MTMR11: variants seen among roughly 807,000 people sequenced by gnomAD.
MTMR11 encodes myotubularin-related protein 11.
A neutral mutation model predicts 100.0 loss-of-function variants in MTMR11; 89 were observed. The ratio of observed to expected loss-of-function variants is 0.89; its 90% CI spans 0.75 to 1.06. MTMR11 has a LOEUF of 1.06. Ranked by LOEUF, MTMR11 falls within the 50% of genes least tolerant of loss-of-function variation. The pLI, the probability that MTMR11 is intolerant of heterozygous loss-of-function variation, is 0.00. For missense variants in MTMR11, 809 were observed against 873.7 expected, an observed-to-expected ratio of 0.93 and a Z score of 0.93; for synonymous variants, 336 against 326.3, an observed-to-expected ratio of 1.03 and a Z score of -0.32.
intron 13 of MTMR11, 30 bp downstream of exon 13, chr1:149,931,228 ATG>A (rs1353939003): frequency 2.5e-6 from 4 of 1,612,094 alleles, no homozygotes; most frequent in Non-Finnish European, 3.4e-6. Context: ...CCTTAGTAAT[ATG>A]CCCCCGATGC....
intron 13 of MTMR11, 139 bp from the exon 14 acceptor site, chr1:149,931,104 A>G (rs2092654219): frequency 7.5e-7 from 1 of 1,342,212 alleles, no homozygotes; most frequent in African/African-American, 1.5e-5. Context: ...TGAGGGTAGC[A>G]GGGGCTTGTA....
In MTMR11 at chr1:149,934,216, T is replaced by C; in HGVS notation, c.658A>G (p.Asn220Asp). 6.2e-7 allele frequency: 1 copy of C among 1,614,156 alleles called. No homozygotes were observed. Among genetic ancestry groups the C allele is most frequent in the Non-Finnish European group, 8.5e-7 (1 of 1,180,032 alleles). Residue 220 changes from asparagine to aspartate, a missense_variant, in exon 7 of 17, where the codon AAC becomes GAC. Transcript: ENST00000439741. The part of the protein sequence containing the change: ...AARGWRVSTV[N>D]ERFDVATSLP... The stretch of plus-strand genomic sequence containing the variant: ...CTGGTGGCTACGTCGAACCTCTCGT[T>C]GACCGTGCTGACCCTCCAGCCTCTG...
At position 149,931,956 on chromosome 1, in the gene MTMR11, C is replaced by G; in HGVS notation, c.1111G>C (p.Val371Leu). 1.9e-6 allele frequency: 3 copies of G among 1,613,520 alleles called. No individual in the cohort carries two copies. Among genetic ancestry groups the G allele is most frequent in the Non-Finnish European group, 2.5e-6 (3 of 1,179,452 alleles). ...CCAAGGAACTCACCTTGAAGTATTA[C>G]AGAACGAACCCTGGATGTCACTAAT... ...SVLVTSRVRS[V>L]ILQERGDRDL... Residue 371 changes from valine to leucine, a missense_variant, in exon 12 of 17, where the codon GTA becomes CTA. Physicochemically the swap from Val to Leu is conservative, Grantham distance 32. Coordinates refer to ENST00000439741, the MANE Select transcript of MTMR11 (RefSeq NM_001145862.2).
chr1:149,934,837 T>C (rs1398827763), intron 5 of MTMR11, 149 bp downstream of exon 5: 1 of 1,030,126 alleles, frequency 9.7e-7, no homozygotes, highest in Non-Finnish European at 1.4e-6. Flanking sequence ...CATCACGCAA[T>C]CATTTATCCC....
chr1:149,935,382 T>C, intron 3 of MTMR11, 23 bp from the exon 4 acceptor site: 16 of 1,612,764 alleles, frequency 9.9e-6, no homozygotes, highest in Non-Finnish European at 1.4e-5. Context: ...CGTGACTGGG[T>C]AGACATCTGA....
chr1:149,935,772 C>A (rs1015832944), intron 2 of MTMR11, 67 bp from the exon 3 acceptor site: 55 of 1,483,914 alleles, frequency 3.7e-5, no homozygotes, highest in Non-Finnish European at 4.7e-5. Context: ...GATACACCCA[C>A]CCCTCCAAGA....
At position 149,929,470 on chromosome 1, in the gene MTMR11, C is replaced by G. The variant is rs115291406; in HGVS notation, c.1941+153G>C. 657 of 1,212,796 alleles carry G rather than the reference C, an allele frequency of 5.4e-4. 4 individuals carry two copies. The African/African-American group carries it at 9.2e-3, about 17-fold the overall frequency. The allele number at this position is 1,212,796 out of a possible 1,614,324, so 75.1% of individuals were successfully genotyped here. On this transcript the variant is annotated intron_variant, in intron 16 of 16. Coordinates refer to ENST00000439741, the MANE Select transcript of MTMR11 (RefSeq NM_001145862.2). ...AGCCACAAGCACTTTCCCGCACCTC[C>G]TACACTCCCAAACCTTGTTTGATGC...
Position 149,933,470 on chromosome 1 carries a change from A to C in MTMR11, c.921T>G (p.Asp307Glu). The change falls in exon 10 of 17, where the codon GAT (aspartate) becomes GAG (glutamate). Residue 307 changes from aspartate (D) to glutamate (E), a missense_variant. Asp to Glu is a conservative substitution (Grantham distance 45). Transcript: ENST00000439741. ...GGACATCTGCAAGGCTGGGCAGCTC[A>C]TCCATAGTGTCTACCAGGACAACAT... The part of the protein sequence containing the change: ...HSDVVLVDTM[D>E]ELPSLADVQL... The C allele has an allele frequency of 6.2e-7, 1 of 1,614,130 alleles. No individual in the cohort carries two copies.
Position 149,930,846 on chromosome 1 carries a change from G to A in MTMR11, c.1410C>T (p.Asp470=). 9.9e-6 allele frequency: 16 copies of A among 1,610,418 alleles called. No homozygotes were observed. Among genetic ancestry groups the A allele is most frequent in the Non-Finnish European group, 1.4e-5 (16 of 1,178,718 alleles). ...GGGTATTTCTCAGGAAGGTAAGGGT[G>A]TCAGGAACCCTGACACTGTCATGAA... ...LALHDSVRVP[D]TLTFLRNTPW... Residue 470 remains aspartate, a synonymous_variant, in exon 14 of 17, where the codon GAC becomes GAT. Coordinates refer to ENST00000439741, the MANE Select transcript of MTMR11 (RefSeq NM_001145862.2).
chr1:149,936,396 G>T, intron 1 of MTMR11, 167 bp from the exon 2 acceptor site: 1 of 1,458,690 alleles, frequency 6.9e-7, no homozygotes, highest in Non-Finnish European at 9.0e-7. Context: ...AAAGGGAGGG[G>T]CTGGTTAATG....
intron 12 of MTMR11, 144 bp downstream of exon 12, chr1:149,931,800 C>T (rs2092663888): frequency 2.8e-6 from 2 of 710,182 alleles, no homozygotes; most frequent in East Asian, 2.7e-5. Flanking sequence ...AGAGGTAGCA[C>T]TGAAGGATGA....
intron 5 of MTMR11, 119 bp downstream of exon 5, chr1:149,934,867 G>C (rs2092703252): frequency 7.8e-7 from 1 of 1,274,716 alleles, no homozygotes; most frequent in Non-Finnish European, 1.1e-6. Context: ...GCCTTTCCTT[G>C]AGAGAAGCAG....
rs782040590 is a variant in MTMR11, at chr1:149,934,226, G to A, written c.648C>T (p.Val216=). 1.2e-6 allele frequency: 2 copies of A among 1,614,078 alleles called. No homozygotes were observed. Among genetic ancestry groups the A allele is most frequent in the South Asian group, 2.2e-5 (2 of 91,086 alleles). The change falls in exon 7 of 17, where the codon GTC becomes GTT. Residue 216 remains valine (V), a synonymous_variant. Transcript: ENST00000439741. Reference sequence around the variant, plus strand: ...CGTCGAACCTCTCGTTGACCGTGCTGACCCTCCAGCCTCTGGCTGCCTGCT... The same window carrying A: ...CGTCGAACCTCTCGTTGACCGTGCTAACCCTCCAGCCTCTGGCTGCCTGCT... ...RKKQAARGWR[V]STVNERFDVA...
Position 149,933,602 on chromosome 1 carries a change from T to A in MTMR11, c.860+8A>T, listed in dbSNP as rs782085721. On this transcript the variant is annotated splice_region_variant and intron_variant, in intron 9 of 16. Transcript: ENST00000439741. ...AACCCTTGATTCTTCTCATCAAGCC[T>A]CCCTCACCTGATATCCTCCTTGTTA... The A allele has an allele frequency of 6.2e-7, 1 of 1,614,134 alleles. No individual in the cohort carries two copies. Among genetic ancestry groups the A allele is most frequent in the South Asian group, 1.1e-5 (1 of 91,086 alleles).
rs782785697 is a variant in MTMR11, at chr1:149,935,081, T to A, written c.373A>T (p.Lys125Ter). Residue 125 changes from lysine to a stop codon, truncating the protein, a stop_gained, in exon 5 of 17, where the codon AAA becomes TAA. Coordinates refer to ENST00000439741, the MANE Select transcript of MTMR11 (RefSeq NM_001145862.2). LOFTEE classifies it high-confidence loss of function. Reference protein sequence around the residue: ...VQLLRPGSLHKFIPEEILIHG... With the variant: ...VQLLRPGSLH ...ATCAGAATCTCCTCAGGGATAAATTTATGCAGGGACCCTGGACGGAGGAGC... is the reference window on the plus strand; with the variant it reads ...ATCAGAATCTCCTCAGGGATAAATTAATGCAGGGACCCTGGACGGAGGAGC... 4 of 1,614,162 alleles carry A rather than the reference T, an allele frequency of 2.5e-6. No individual in the cohort carries two copies. In the South Asian group the frequency reaches 4.4e-5, roughly 18 times the overall value.
Position 149,930,371 on chromosome 1 carries a change from T to G in MTMR11, c.1641A>C (p.Arg547Ser). ...PEHCPDSWLP[R>S]PQPSFMVPGP... is the part of the protein sequence containing the mutation. ...GGAAGTTTAGACACTTCACCTGTGG[T>G]CTAGGGAGCCAGGAATCTGGACAGT... is the stretch of plus-strand genomic sequence containing the variant. The change falls in exon 15 of 17, where the codon AGA becomes AGC. Residue 547 changes from arginine to serine, a missense_variant. Arg to Ser is a moderately radical substitution (Grantham distance 110, BLOSUM62 -1). Coordinates refer to ENST00000439741, the MANE Select transcript of MTMR11 (RefSeq NM_001145862.2). 1.9e-6 allele frequency: 3 copies of G among 1,613,236 alleles called. No homozygotes were observed. The South Asian group carries it at 3.3e-5, about 18-fold the overall frequency.
Position 149,931,418 on chromosome 1 carries a change from C to A in MTMR11, c.1132G>T (p.Asp378Tyr). The A allele has an allele frequency of 6.2e-7, 1 of 1,600,710 alleles. No homozygotes were observed. Among genetic ancestry groups the A allele is most frequent in the Non-Finnish European group, 8.5e-7 (1 of 1,173,702 alleles). The change falls in exon 13 of 17, where the codon GAT becomes TAT. Residue 378 changes from aspartate (D) to tyrosine (Y), a missense_variant. Transcript: ENST00000439741. ...VRSVILQERG[D>Y]RDLNGLLSSL... ...GAGAGGAGGCCATTGAGATCACGAT[C>A]ACCGCGCTCTGGGTGATAAAGAGGA...
chr1:149,929,620 T>A lies in MTMR11; in HGVS notation c.1941+3A>T, dbSNP rs1266930218. ...CCACTCCCAGTCTATTTTCCCTTCT[T>A]ACCTGGACCTCAGGCCTTCCCCTCA... On this transcript the variant is annotated splice_donor_region_variant and intron_variant, in intron 16 of 16. Coordinates refer to ENST00000439741, the MANE Select transcript of MTMR11 (RefSeq NM_001145862.2). The A allele has an allele frequency of 6.2e-7, 1 of 1,608,882 alleles. No homozygotes were observed. The highest frequency in any genetic ancestry group is 8.5e-7 in the Non-Finnish European group (1 of 1,177,794).
chr1:149,933,765 C>A (rs2092689758), intron 8 of MTMR11, 67 bp from the exon 9 acceptor site: 2 of 1,609,538 alleles, frequency 1.2e-6, no homozygotes, highest in Admixed American at 3.3e-5. Flanking sequence ...CTTGCCCCCA[C>A]ACTGACCTCA....
Sources: gnomAD v4.1 joint callset for allele counts on GRCh38, gnomAD v4.1.1 for gene constraint, MANE v1.5 for transcripts, NCBI Gene and HGNC (gene_info 2026-07-23, HGNC 2026-07-21) for gene names.